INSYN2B: variants seen among roughly 807,000 people sequenced by gnomAD.
INSYN2B encodes protein INSYN2B.
In INSYN2B, 16 loss-of-function variants were observed where a neutral mutation model predicts 41.2. That is an observed-to-expected ratio of 0.39 (90% CI 0.26 to 0.59). INSYN2B has a LOEUF of 0.59. Ranked by LOEUF, INSYN2B falls within the 20% of genes least tolerant of loss-of-function variation. The pLI is 0.57. For synonymous variants in INSYN2B, 245 were observed against 244.4 expected (o/e 1.00, Z -0.02); for missense variants, 608 against 646.4 (o/e 0.94, Z 0.64).
At chr5:169,923,782 T>C (rs1324914110) in intron 1 of INSYN2B, among the ~76,000 whole-genome samples, 1 of 152,224 alleles carries the variant, frequency 6.6e-6, no homozygotes, top group East Asian at 1.9e-4. Context: ...TTCTTAAAGT[T>C]TCTCTTCTCT....
chr5:169,974,711 A>G (rs1581493119), intron 1 of INSYN2B, among the ~76,000 whole-genome samples: 1 of 152,038 alleles, frequency 6.6e-6, no homozygotes, highest in Non-Finnish European at 1.5e-5. Flanking sequence ...AATATACCGT[A>G]TTTTCCTGCA....
intron 1 of INSYN2B, among the ~76,000 whole-genome samples, chr5:169,975,861 A>G (rs893856565): frequency 6.6e-6 from 1 of 152,224 alleles, no homozygotes; most frequent in African/African-American, 2.4e-5. Context: ...TATCCCCAGC[A>G]TCTAAAACCA....
At chr5:169,942,458 CA>C (rs1257027522) in intron 1 of INSYN2B, among the ~76,000 whole-genome samples, 1 of 152,200 alleles carries the variant, frequency 6.6e-6, no homozygotes, top group Non-Finnish European at 1.5e-5. Context: ...ATGAGCCACA[CA>C]GATGTTCAAG....
chr5:169,948,073 C>G (rs915622829), intron 1 of INSYN2B, among the ~76,000 whole-genome samples: 1 of 152,010 alleles, frequency 6.6e-6, no homozygotes, highest in Admixed American at 6.5e-5. Flanking sequence ...TGTAAGGCAC[C>G]GAGAGAAGAG....
intron 1 of INSYN2B, among the ~76,000 whole-genome samples, chr5:169,905,707 G>A (rs1774236529): frequency 6.6e-6 from 1 of 152,074 alleles, no homozygotes. Flanking sequence ...CCTCTGGGAG[G>A]GGCCACTAAA....
At chr5:169,900,725 G>T (rs559432684) in intron 1 of INSYN2B, among the ~76,000 whole-genome samples, 24 of 152,128 alleles carry the variant, frequency 1.6e-4, no homozygotes, top group African/African-American at 5.8e-4. Flanking sequence ...TAGAGTTGTT[G>T]CCCACTATCT....
intron 1 of INSYN2B, among the ~76,000 whole-genome samples, chr5:169,972,259 A>C (rs1777530979): frequency 6.6e-6 from 1 of 152,218 alleles, no homozygotes; most frequent in Non-Finnish European, 1.5e-5. Context: ...AGCCTAGTGC[A>C]AACCTTACCT....
Position 169,861,871 on chromosome 5 carries a change from C to T in INSYN2B, c.*2402G>A, listed in dbSNP as rs868492294. Among the ~76,000 whole-genome samples the T allele has an allele frequency of 6.6e-6, 1 of 152,136 alleles. No homozygotes were observed. Among genetic ancestry groups the T allele is most frequent in the African/African-American group, 2.4e-5 (1 of 41,426 alleles). On this transcript the variant is annotated 3_prime_UTR_variant, in exon 4 of 4. Transcript: ENST00000377365. Reference sequence around the variant, plus strand: ...GTTGTGCTTTGGTGTAGAATCAGTACAGCCTTGTTTGGCTGTATTTCTAGA... The same window carrying T: ...GTTGTGCTTTGGTGTAGAATCAGTATAGCCTTGTTTGGCTGTATTTCTAGA...
intron 1 of INSYN2B, among the ~76,000 whole-genome samples, chr5:169,960,940 T>G (rs1222094624): frequency 6.6e-6 from 1 of 152,232 alleles, no homozygotes; most frequent in Non-Finnish European, 1.5e-5. Flanking sequence ...GTATAGGCTA[T>G]GAACTGAATA....
intron 1 of INSYN2B, among the ~76,000 whole-genome samples, chr5:169,908,985 G>T (rs1049051475): frequency 2.6e-5 from 4 of 152,212 alleles, no homozygotes; most frequent in Admixed American, 1.3e-4. Context: ...GCCTCTGGCA[G>T]AGAGAGCCAC....
intron 1 of INSYN2B, among the ~76,000 whole-genome samples, chr5:169,890,769 A>G (rs1047784591): frequency 1.4e-4 from 21 of 152,204 alleles, no homozygotes; most frequent in Admixed American, 2.0e-4. Context: ...TCTTGTTCTC[A>G]TCTTTCTATA....
chr5:169,973,024 G>A lies in INSYN2B; in HGVS notation c.-919+7253C>T, dbSNP rs553653892. The stretch of plus-strand genomic sequence containing the variant: ...GTGCTAAAAGAGGCCTGGATGATAC[G>A]TTTGGCTTGAAGTTTAATACATGAT... On this transcript the variant is annotated intron_variant, in intron 1 of 3. Transcript: ENST00000377365. Among the ~76,000 whole-genome samples the A allele has an allele frequency of 1.9e-3, 284 of 152,236 alleles. 1 individual carries two copies. The highest frequency in any genetic ancestry group is 6.6e-3 in the African/African-American group (274 of 41,540).
rs1368528859 is a variant in INSYN2B, at chr5:169,883,224, C to T, written c.675G>A (p.Arg225=). The T allele has an allele frequency of 1.3e-6, 2 of 1,551,582 alleles. No individual in the cohort carries two copies. The highest frequency in any genetic ancestry group is 2.4e-5 in the South Asian group (2 of 84,054). Residue 225 remains arginine, a synonymous_variant, in exon 2 of 4, where the codon AGG becomes AGA. Transcript: ENST00000377365. ...EARESALSPD[R]SAEVSNSIHP... ...GTATGGAGTTACTTACTTCAGCTGA[C>T]CTGTCTGGGCTGAGAGCAGACTCTC...
intron 2 of INSYN2B, 96 bp from the exon 3 acceptor site, chr5:169,881,538 C>G (rs960864837): frequency 2.2e-6 from 2 of 890,084 alleles, no homozygotes; most frequent in African/African-American, 3.3e-5. Flanking sequence ...TATAGCACAG[C>G]ATTCACGGTG....
At chr5:169,976,118 T>C (rs911703615) in intron 1 of INSYN2B, among the ~76,000 whole-genome samples, 1 of 152,176 alleles carries the variant, frequency 6.6e-6, no homozygotes, top group Non-Finnish European at 1.5e-5. Flanking sequence ...TATAATAAAT[T>C]CAATCTCCCA....
intron 1 of INSYN2B, among the ~76,000 whole-genome samples, chr5:169,964,486 C>T (rs1777220477): frequency 6.6e-6 from 1 of 152,224 alleles, no homozygotes; most frequent in Non-Finnish European, 1.5e-5. Flanking sequence ...AGACAGGTGG[C>T]TCATGGGAGC....
At position 169,961,978 on chromosome 5, in the gene INSYN2B, C is replaced by CAAAAA. The variant is rs70979150; in HGVS notation, c.-919+18294_-919+18298dup. Among the ~76,000 whole-genome samples the CAAAAA allele has an allele frequency of 3.4e-3, 255 of 74,634 alleles. 33 individuals are homozygous for CAAAAA. Among genetic ancestry groups the CAAAAA allele is most frequent in the Non-Finnish European group, 4.7e-3 (198 of 42,208 alleles). The allele number at this position is 74,634 out of a possible 152,430, so 49.0% of individuals were successfully genotyped here. Reference sequence around the variant, plus strand: ...TGGGTGAAAAAGTGAGACTCTGTCCCAAAAAAAAAAAAAAAAATGGAGAAA... The same window carrying CAAAAA: ...TGGGTGAAAAAGTGAGACTCTGTCCCAAAAAAAAAAAAAAAAAAAAAATGGAGAAA... On this transcript the variant is annotated intron_variant, in intron 1 of 3. Transcript: ENST00000377365.
At chr5:169,963,005 A>G (rs1410132286) in intron 1 of INSYN2B, among the ~76,000 whole-genome samples, 1 of 152,184 alleles carries the variant, frequency 6.6e-6, no homozygotes, top group Non-Finnish European at 1.5e-5. Flanking sequence ...GGGTGGAAGA[A>G]TTGACATTTT....
chr5:169,864,588 A>G, intron 3 of INSYN2B, 129 bp from the exon 4 acceptor site: 1 of 728,774 alleles, frequency 1.4e-6, no homozygotes, highest in South Asian at 2.0e-5. Flanking sequence ...TTAGGTACCT[A>G]CTGGCTCTTT....
Sources: allele counts gnomAD v4.1 joint callset (sites outside exome capture counted in the v4.1 genomes callset), GRCh38; gene constraint gnomAD v4.1.1; transcripts MANE v1.5; gene names NCBI Gene and HGNC (gene_info 2026-07-23, HGNC 2026-07-21).